NCALD: variants seen among roughly 807,000 people sequenced by gnomAD.
NCALD encodes the protein neurocalcin delta.
Under a neutral mutation model 18.6 loss-of-function variants are expected in NCALD, and 10 were observed. The observed-to-expected ratio is 0.54, with a 90% confidence interval of 0.33 to 0.91. NCALD has a LOEUF of 0.91. Among genes scored for constraint, NCALD ranks in the 40% least tolerant of loss-of-function variants. The pLI is 0.03. For missense variants in NCALD, 184 were observed against 247.6 expected, an observed-to-expected ratio of 0.74 and a Z score of 1.72; for synonymous variants, 88 against 87.4, an observed-to-expected ratio of 1.01 and a Z score of -0.04.
intron 2 of NCALD, among the ~76,000 whole-genome samples, chr8:101,955,053 T>C (rs942016808): frequency 1.3e-5 from 2 of 152,066 alleles, no homozygotes; most frequent in African/African-American, 4.8e-5. Context: ...AGATCTTTCC[T>C]CCATCCCATA....
intron 1 of NCALD, among the ~76,000 whole-genome samples, chr8:102,034,326 TC>T: frequency 6.6e-6 from 1 of 152,316 alleles, no homozygotes; most frequent in African/African-American, 2.4e-5. Flanking sequence ...GCACTTCTTA[TC>T]CCCCTTATCA....
In NCALD at chr8:102,042,489, T is replaced by G. The variant is rs118181472; in HGVS notation, c.-209-22200A>C. ...AGGTGATACACTGCGGCTTCTGACA[T>G]GAGCTCAAGGAGAGGTAGCTGTGTT... is the stretch of plus-strand genomic sequence containing the variant. On this transcript the variant is annotated intron_variant, in intron 1 of 6. Transcript: ENST00000311028. Among the ~76,000 whole-genome samples, 224 of 151,998 alleles carry G rather than the reference T, an allele frequency of 1.5e-3. 4 individuals are homozygous for G. The East Asian group carries it at 0.032, about 22-fold the overall frequency.
intron 2 of NCALD, among the ~76,000 whole-genome samples, chr8:101,715,823 T>C (rs1288598530): frequency 6.6e-6 from 1 of 152,166 alleles, no homozygotes; most frequent in Non-Finnish European, 1.5e-5. Flanking sequence ...AAACAACAGA[T>C]TCTGGAGAGG....
chr8:101,871,762 T>G (rs1485847366), intron 4 of NCALD: 4 of 252,458 alleles, frequency 1.6e-5, no homozygotes, highest in Non-Finnish European at 3.0e-5. Flanking sequence ...ATTCTTGCTT[T>G]TCCTTTTCTT....
At chr8:101,831,344 A>G in intron 4 of NCALD, among the ~76,000 whole-genome samples, 1 of 152,144 alleles carries the variant, frequency 6.6e-6, no homozygotes, top group East Asian at 1.9e-4. Context: ...AGATATGATT[A>G]TTACTGCTTG....
chr8:102,075,458 C>T (rs1322141772), intron 1 of NCALD, among the ~76,000 whole-genome samples: 1 of 152,062 alleles, frequency 6.6e-6, no homozygotes, highest in South Asian at 2.1e-4. Flanking sequence ...TAATATTATA[C>T]AATGTGTGCT....
chr8:101,851,413 G>A (rs775092207), intron 4 of NCALD, among the ~76,000 whole-genome samples: 8 of 151,850 alleles, frequency 5.3e-5, no homozygotes. Context: ...TGTGATAAAA[G>A]CATTTAGCAT....
intron 1 of NCALD, among the ~76,000 whole-genome samples, chr8:102,050,165 T>C (rs1198063087): frequency 1.0e-4 from 1 of 9,908 alleles, no homozygotes; most frequent in African/African-American, 4.3e-4. Context: ...CGAGACTCCG[T>C]CTCAAAAAAA....
intron 3 of NCALD, among the ~76,000 whole-genome samples, chr8:101,904,749 C>T (rs1817553945): frequency 6.6e-6 from 1 of 152,156 alleles, no homozygotes. Flanking sequence ...GCAGCCAGAC[C>T]TCTCTCTGCT....
chr8:101,859,787 T>C (rs1349668519), intron 4 of NCALD, among the ~76,000 whole-genome samples: 1 of 152,192 alleles, frequency 6.6e-6, no homozygotes, highest in Admixed American at 6.5e-5. Flanking sequence ...ATAGAAATTC[T>C]GGAAGAGAAA....
At chr8:102,108,899 A>T (rs1378275578) in intron 1 of NCALD, among the ~76,000 whole-genome samples, 3 of 152,256 alleles carry the variant, frequency 2.0e-5, no homozygotes, top group Non-Finnish European at 4.4e-5. Context: ...ACAGAATTAC[A>T]TAATATAATG....
chr8:102,026,135 G>C (rs941476160), intron 1 of NCALD, among the ~76,000 whole-genome samples: 2 of 152,174 alleles, frequency 1.3e-5, no homozygotes, highest in Non-Finnish European at 2.9e-5. Context: ...ATGAGATTTA[G>C]GTGGGGACAC....
At chr8:101,936,033 T>C (rs1330046105) in intron 2 of NCALD, among the ~76,000 whole-genome samples, 2 of 151,952 alleles carry the variant, frequency 1.3e-5, no homozygotes, top group African/African-American at 2.4e-5. Context: ...GGGAGGTGAA[T>C]AGATTTTGTA....
chr8:101,849,024 C>A (rs999967566), intron 4 of NCALD, among the ~76,000 whole-genome samples: 3 of 152,098 alleles, frequency 2.0e-5, no homozygotes, highest in Non-Finnish European at 4.4e-5. Flanking sequence ...TACTATGCAG[C>A]CATAAAAAGG....
At chr8:101,714,578 A>T (rs1406638129) in intron 2 of NCALD, among the ~76,000 whole-genome samples, 1 of 152,270 alleles carries the variant, frequency 6.6e-6, no homozygotes, top group Admixed American at 6.5e-5. Context: ...AAAGTAATTT[A>T]TAGATTCAAT....
At chr8:101,744,839 T>G (rs1195949279) in intron 1 of NCALD, among the ~76,000 whole-genome samples, 1 of 152,110 alleles carries the variant, frequency 6.6e-6, no homozygotes, top group East Asian at 1.9e-4. Context: ...AGCCGGGTAC[T>G]CCTGCTGCCT....
intron 2 of NCALD, among the ~76,000 whole-genome samples, chr8:101,920,470 T>C (rs1818122248): frequency 1.3e-5 from 2 of 152,128 alleles, no homozygotes; most frequent in African/African-American, 4.8e-5. Flanking sequence ...AGACATGGAA[T>C]CAACCTAGGT....
chr8:101,877,393 C>CCAG (rs2131436486), intron 4 of NCALD, among the ~76,000 whole-genome samples: 1 of 152,184 alleles, frequency 6.6e-6, no homozygotes, highest in African/African-American at 2.4e-5. Context: ...TCCCAATTAC[C>CCAG]CAGCATTCCC....
At chr8:101,948,296 G>A (rs903385661) in intron 2 of NCALD, among the ~76,000 whole-genome samples, 1 of 152,194 alleles carries the variant, frequency 6.6e-6, no homozygotes. Flanking sequence ...TTAGATATGA[G>A]CTGGATGGAT....
Sources: allele counts gnomAD v4.1 joint callset (sites outside exome capture counted in the v4.1 genomes callset), GRCh38; gene constraint gnomAD v4.1.1; transcripts MANE v1.5; gene names NCBI Gene and HGNC (gene_info 2026-07-23, HGNC 2026-07-21).